OSTN: variants seen among roughly 807,000 people sequenced by gnomAD.
OSTN encodes osteocrin.
A neutral mutation model predicts 12.0 loss-of-function variants in OSTN; 9 were observed. The observed-to-expected ratio is 0.75, with a 90% CI of 0.45 to 1.30. The LOEUF (loss-of-function observed/expected upper bound fraction) is 1.30, where lower values mean the gene tolerates loss of function less well. Among genes scored for constraint, OSTN ranks in the 50% most tolerant of loss-of-function variants. The pLI is 0.00. For synonymous variants in OSTN, 59 were observed against 56.9 expected (o/e 1.04, Z -0.16); for missense variants, 148 against 152.3 (o/e 0.97, Z 0.15).
chr3:191,199,587 A>G (rs149907542), intron 1 of OSTN, among the ~76,000 whole-genome samples: 73 of 152,224 alleles, frequency 4.8e-4, no homozygotes, highest in African/African-American at 1.5e-3. Context: ...TTCTATACAT[A>G]TATATGTTAT....
intron 3 of OSTN, among the ~76,000 whole-genome samples, chr3:191,245,388 T>C (rs980658787): frequency 3.3e-5 from 5 of 152,184 alleles, no homozygotes; most frequent in Admixed American, 6.5e-5. Context: ...CTCCAGAAGA[T>C]AGGCATAGCA....
rs142614204 is a variant in OSTN, at chr3:191,217,482, G to A, written c.103-1265G>A. 7.6e-4 allele frequency among the ~76,000 whole-genome samples: 115 copies of A among 152,252 alleles called. 2 individuals are homozygous for A. In the East Asian group the frequency reaches 0.017, roughly 22 times the overall value. ...GTGGGAAGGGAAGAGATTCCCCAGA[G>A]CTAAAAAATTTTTCCCTCATGGGAA... On this transcript the variant is annotated intron_variant, in intron 2 of 4. Transcript: ENST00000682035.
intron 2 of OSTN, among the ~76,000 whole-genome samples, chr3:191,217,843 T>G (rs1212597386): frequency 6.6e-6 from 1 of 152,002 alleles, no homozygotes; most frequent in Non-Finnish European, 1.5e-5. Context: ...TCATGTCCAA[T>G]GCAGAACCTA....
intron 3 of OSTN, 111 bp downstream of exon 3, chr3:191,219,072 C>A: frequency 2.1e-6 from 2 of 962,196 alleles, no homozygotes; most frequent in Non-Finnish European, 3.0e-6. Flanking sequence ...TATATATAAA[C>A]AGATTTGACG....
intron 4 of OSTN, among the ~76,000 whole-genome samples, chr3:191,257,185 CAA>C (rs71175391): frequency 0.083 from 6,008 of 72,002 alleles, 162 homozygotes; most frequent in African/African-American, 0.14. Flanking sequence ...AACCCTCTCT[CAA>C]AAAAAAAAAA....
At chr3:191,236,033 A>G (rs1576933503) in intron 3 of OSTN, among the ~76,000 whole-genome samples, 2 of 152,226 alleles carry the variant, frequency 1.3e-5, no homozygotes, top group Non-Finnish European at 2.9e-5. Context: ...TTGTTTTTCA[A>G]TAACTTGCTC....
intron 2 of OSTN, among the ~76,000 whole-genome samples, chr3:191,214,875 G>T (rs944612220): frequency 6.6e-6 from 1 of 151,994 alleles, no homozygotes; most frequent in African/African-American, 2.4e-5. Flanking sequence ...AGCTGGGTGT[G>T]ATGGTGACCA....
intron 3 of OSTN, among the ~76,000 whole-genome samples, chr3:191,237,707 C>T (rs2108545223): frequency 6.6e-6 from 1 of 152,312 alleles, no homozygotes; most frequent in South Asian, 2.1e-4. Context: ...CAGGAAGATG[C>T]CAATCACCAG....
intron 4 of OSTN, among the ~76,000 whole-genome samples, chr3:191,252,775 A>G (rs1316507142): frequency 6.6e-6 from 1 of 152,176 alleles, no homozygotes; most frequent in East Asian, 1.9e-4. Flanking sequence ...ATATATTTCT[A>G]ATTTCCAATC....
chr3:191,212,902 A>C (rs1576923828), intron 2 of OSTN, among the ~76,000 whole-genome samples: 1 of 111,234 alleles, frequency 9.0e-6, no homozygotes, highest in African/African-American at 3.6e-5. Context: ...ACAGAGTCTC[A>C]CTCTGTCGCC....
At chr3:191,257,873 C>T (rs1362281652) in intron 4 of OSTN, among the ~76,000 whole-genome samples, 7 of 151,962 alleles carry the variant, frequency 4.6e-5, no homozygotes, top group African/African-American at 1.7e-4. Context: ...CATGTGTAGA[C>T]AATATTAAAC....
At chr3:191,249,757 G>T (rs999370190) in intron 3 of OSTN, among the ~76,000 whole-genome samples, 10 of 152,172 alleles carry the variant, frequency 6.6e-5, no homozygotes, top group African/African-American at 2.4e-4. Flanking sequence ...TTCGTATGCT[G>T]ATAAGACCTG....
At chr3:191,230,119 C>G (rs1231347912) in intron 3 of OSTN, among the ~76,000 whole-genome samples, 1 of 145,314 alleles carries the variant, frequency 6.9e-6, no homozygotes, top group Non-Finnish European at 1.5e-5. Flanking sequence ...GATATTTTTT[C>G]AATACTTTTC....
chr3:191,219,008 T>G, intron 3 of OSTN, 47 bp downstream of exon 3: 1 of 1,488,190 alleles, frequency 6.7e-7, no homozygotes, highest in Non-Finnish European at 9.2e-7. Context: ...AATTATTTCC[T>G]TCTGGATTCT....
chr3:191,256,893 A>C (rs527537384), intron 4 of OSTN, among the ~76,000 whole-genome samples: 82 of 152,276 alleles, frequency 5.4e-4, no homozygotes, highest in African/African-American at 1.9e-3. Context: ...ACTTTAACAA[A>C]AACCAAGGTT....
intron 3 of OSTN, among the ~76,000 whole-genome samples, chr3:191,246,604 C>CAAAA (rs34157872): frequency 0.02 from 2,149 of 106,810 alleles, 50 homozygotes; most frequent in African/African-American, 0.074. Context: ...GACCCTGTAT[C>CAAAA]AAAAAAAAAA....
At chr3:191,245,317 T>C (rs1715403900) in intron 3 of OSTN, among the ~76,000 whole-genome samples, 1 of 152,156 alleles carries the variant, frequency 6.6e-6, no homozygotes, top group Non-Finnish European at 1.5e-5. Flanking sequence ...GTGTAATACA[T>C]GGTAATGCAT....
chr3:191,246,477 G>A (rs1450894054), intron 3 of OSTN, among the ~76,000 whole-genome samples: 7 of 151,898 alleles, frequency 4.6e-5, no homozygotes, highest in African/African-American at 9.7e-5. Flanking sequence ...ATGGTGGCAC[G>A]CACCTGTAAT....
intron 1 of OSTN, among the ~76,000 whole-genome samples, chr3:191,206,141 G>A (rs936121425): frequency 6.6e-6 from 1 of 151,200 alleles, no homozygotes; most frequent in South Asian, 2.1e-4. Context: ...AGCCAAGATC[G>A]TGCCACTGCA....
Sources: gnomAD v4.1 joint callset for allele counts (sites outside exome capture counted in the v4.1 genomes callset) on GRCh38, gnomAD v4.1.1 for gene constraint, MANE v1.5 for transcripts, NCBI Gene and HGNC (gene_info 2026-07-23, HGNC 2026-07-21) for gene names.